The following CEP350 variants were observed in gnomAD, a reference collection of about 807,000 sequenced individuals.
CEP350 encodes centrosome-associated protein 350.
A neutral mutation model predicts 331.8 loss-of-function variants in CEP350; 126 were observed. The ratio of observed to expected loss-of-function variants is 0.38; its 90% CI spans 0.33 to 0.44. The LOEUF (loss-of-function observed/expected upper bound fraction) is 0.44, where lower values mean the gene tolerates loss of function less well. CEP350 is among the 20% of genes least tolerant of loss of function. The pLI is 1.00. For missense variants in CEP350, 3,406 were observed against 3,634.6 expected, an observed-to-expected ratio of 0.94 and a Z score of 1.62; for synonymous variants, 1,200 against 1,259.5, an observed-to-expected ratio of 0.95 and a Z score of 1.00.
In CEP350 at chr1:180,024,482, G is replaced by A. The variant is rs1157553798; in HGVS notation, c.3450G>A (p.Val1150=). 6.2e-7 allele frequency: 1 copy of A among 1,613,068 alleles called. No individual in the cohort carries two copies. The highest frequency in any genetic ancestry group is 8.5e-7 in the Non-Finnish European group (1 of 1,179,564). The change falls in exon 14 of 38, where the codon GTG becomes GTA. Residue 1150 remains valine, a synonymous_variant. Transcript: ENST00000367607. ...AGTCTGCCTATGATCCTTCCTCTGT[G>A]GATGTTACCTCCCAGCATTCATCAG... ...NRKSAYDPSS[V]DVTSQHSSGA...
chr1:179,955,196 GTC>G (rs1326722993), intron 1 of CEP350, 54 bp downstream of exon 1: 1 of 1,268,206 alleles, frequency 7.9e-7, no homozygotes, highest in Non-Finnish European at 1.0e-6. Flanking sequence ...AGCCTCAACT[GTC>G]TCTGTCCGCG....
chr1:179,956,603 C>A (rs536600825), intron 1 of CEP350, among the ~76,000 whole-genome samples: 2 of 152,260 alleles, frequency 1.3e-5, no homozygotes, highest in Admixed American at 6.5e-5. Context: ...TATAACACTT[C>A]TACCATATAT....
At chr1:180,002,898 C>G (rs1031897329) in intron 6 of CEP350, among the ~76,000 whole-genome samples, 1 of 151,946 alleles carries the variant, frequency 6.6e-6, no homozygotes, top group African/African-American at 2.4e-5. Context: ...TAGGAAAATC[C>G]ATAAAGATAG....
chr1:180,096,584 A>G (rs545116479), intron 36 of CEP350, among the ~76,000 whole-genome samples: 11 of 152,326 alleles, frequency 7.2e-5, no homozygotes, highest in South Asian at 6.2e-4. Flanking sequence ...CGTGTCATAT[A>G]TATGTCTTTT....
intron 30 of CEP350, among the ~76,000 whole-genome samples, chr1:180,081,396 A>G (rs1210672835): frequency 1.3e-5 from 2 of 152,242 alleles, no homozygotes; most frequent in East Asian, 1.9e-4. Context: ...TAGATGTACC[A>G]TAATTTATTT....
intron 1 of CEP350, among the ~76,000 whole-genome samples, chr1:179,961,111 A>G (rs1650576003): frequency 6.6e-6 from 1 of 152,188 alleles, no homozygotes. Flanking sequence ...ATGTGTATAC[A>G]TATAATGAAT....
At chr1:180,013,196 G>T (rs567816611) in intron 9 of CEP350, among the ~76,000 whole-genome samples, 44 of 152,252 alleles carry the variant, frequency 2.9e-4, no homozygotes, top group African/African-American at 1.1e-3. Flanking sequence ...AATGTGATCA[G>T]ATGAGAGACT....
At position 180,053,058 on chromosome 1, in the gene CEP350, A is replaced by G. The variant is rs145699118; in HGVS notation, c.4881A>G (p.Leu1627=). 2.6e-6 allele frequency: 4 copies of G among 1,562,158 alleles called. No individual in the cohort carries two copies. The highest frequency in any genetic ancestry group is 3.5e-6 in the Non-Finnish European group (4 of 1,133,998). ...TAGAAGAACAATCATTTCGATCATTACTACCTTCAGAGAGTCACCGCAGAT... is the reference window on the plus strand; with the variant it reads ...TAGAAGAACAATCATTTCGATCATTGCTACCTTCAGAGAGTCACCGCAGAT... ...DEIEEQSFRS[L]LPSESHRRFN... is the part of the protein sequence containing the mutation. The change falls in exon 23 of 38, where the codon TTA becomes TTG. Residue 1627 remains leucine (L), a synonymous_variant. Transcript: ENST00000367607.
At position 180,092,624 on chromosome 1, in the gene CEP350, G is replaced by C. The variant is rs747764030; in HGVS notation, c.6519G>C (p.Leu2173=). The part of the protein sequence containing the change: ...ESIAEHVDAS[L]SGSERSVSER... The stretch of plus-strand genomic sequence containing the variant: ...TGTTTTTTCTTTAAGATGCTTCACT[G>C]TCTGGTTCTGAGAGATCAGTATCAG... Residue 2173 remains leucine, a synonymous_variant, in exon 34 of 38, where the codon CTG becomes CTC. Coordinates refer to ENST00000367607, the MANE Select transcript of CEP350 (RefSeq NM_014810.5). 1.9e-5 allele frequency: 29 copies of C among 1,551,610 alleles called. No homozygotes were observed. Among genetic ancestry groups the C allele is most frequent in the Non-Finnish European group, 2.4e-5 (28 of 1,148,512 alleles).
chr1:179,985,990 G>A (rs556925415), intron 1 of CEP350, among the ~76,000 whole-genome samples, 179 bp from the exon 2 acceptor site: 2 of 152,130 alleles, frequency 1.3e-5, no homozygotes, highest in Non-Finnish European at 2.9e-5. Context: ...AGCACACACG[G>A]GTTCTAGTTT....
intron 3 of CEP350, 130 bp from the exon 4 acceptor site, chr1:179,990,377 G>A (rs980339363): frequency 2.4e-6 from 1 of 423,724 alleles, no homozygotes; most frequent in African/African-American, 2.0e-5. Context: ...TTATAAGAAA[G>A]GATTCCTGAG....
chr1:179,992,436 T>G (rs1653165784), intron 5 of CEP350, among the ~76,000 whole-genome samples: 2 of 152,250 alleles, frequency 1.3e-5, no homozygotes, highest in South Asian at 4.1e-4. Context: ...TGCAGATAAA[T>G]ATTCGAGGGG....
intron 32 of CEP350, among the ~76,000 whole-genome samples, chr1:180,088,235 G>A (rs987900194): frequency 3.3e-5 from 5 of 152,046 alleles, no homozygotes; most frequent in Admixed American, 1.3e-4. Flanking sequence ...CTCTGCAAGC[G>A]ATGTAATAGT....
At chr1:180,069,133 G>C (rs552456124) in intron 27 of CEP350, among the ~76,000 whole-genome samples, 2 of 152,162 alleles carry the variant, frequency 1.3e-5, no homozygotes, top group African/African-American at 4.8e-5. Context: ...TTTTTGGTTT[G>C]GTCATTCATT....
At chr1:179,958,852 T>C (rs951473502) in intron 1 of CEP350, among the ~76,000 whole-genome samples, 1 of 152,226 alleles carries the variant, frequency 6.6e-6, no homozygotes, top group African/African-American at 2.4e-5. Flanking sequence ...ATATGATTTA[T>C]TTAAAAAACA....
intron 1 of CEP350, chr1:179,969,181 G>A: frequency 1.8e-6 from 1 of 556,330 alleles, no homozygotes; most frequent in East Asian, 3.9e-5. Flanking sequence ...GGGAAGTTCT[G>A]TGTGTGTGTG....
chr1:180,041,548 A>C (rs1656757470), intron 18 of CEP350, 114 bp from the exon 19 acceptor site: 7 of 1,019,094 alleles, frequency 6.9e-6, no homozygotes, highest in Non-Finnish European at 9.8e-6. Flanking sequence ...TCCAGATTGT[A>C]GTAAAGTGTT....
At chr1:180,038,788 G>A (rs4460595) in intron 17 of CEP350, among the ~76,000 whole-genome samples, 18,203 of 152,080 alleles carry the variant, frequency 0.12, 1,178 homozygotes, top group South Asian at 0.17. Flanking sequence ...CAGATGTATT[G>A]GAAATATTGT....
intron 31 of CEP350, among the ~76,000 whole-genome samples, chr1:180,085,027 C>A (rs1410298025): frequency 1.3e-5 from 2 of 150,210 alleles, no homozygotes; most frequent in African/African-American, 4.9e-5. Context: ...TGCTTCCCTT[C>A]CCCCTTTCCT....
Sources: gnomAD v4.1 joint callset for allele counts (sites outside exome capture counted in the v4.1 genomes callset) on GRCh38, gnomAD v4.1.1 for gene constraint, MANE v1.5 for transcripts, NCBI Gene and HGNC (gene_info 2026-07-23, HGNC 2026-07-21) for gene names.